HOXA11: variants seen among roughly 807,000 people sequenced by gnomAD.
HOXA11 encodes homeobox protein Hox-A11.
In HOXA11, 8 loss-of-function variants were observed where a neutral mutation model predicts 22.5. The ratio of observed to expected loss-of-function variants is 0.36; its 90% CI spans 0.21 to 0.64. The LOEUF (loss-of-function observed/expected upper bound fraction) is 0.64, where lower values mean the gene tolerates loss of function less well. HOXA11 is among the 30% of genes least tolerant of loss of function. The pLI, the probability that HOXA11 is intolerant of heterozygous loss-of-function variation, is 0.67. For synonymous variants in HOXA11, 211 were observed against 188.4 expected, an observed-to-expected ratio of 1.12 and a Z score of -0.98; for missense variants, 388 against 429.0, an observed-to-expected ratio of 0.90 and a Z score of 0.84.
At chr7:27,184,191 G>A (rs1301140427) in intron 1 of HOXA11, among the ~76,000 whole-genome samples, 1 of 151,630 alleles carries the variant, frequency 6.6e-6, no homozygotes, top group East Asian at 1.9e-4. Flanking sequence ...GCTGAGAAGG[G>A]AAAAAAGGGA....
chr7:27,184,429 T>C lies in HOXA11; in HGVS notation c.709+7A>G. The C allele has an allele frequency of 1.9e-6, 3 of 1,578,286 alleles. No homozygotes were observed. Among genetic ancestry groups the C allele is most frequent in the Non-Finnish European group, 2.6e-6 (3 of 1,162,466 alleles). ...CATAAAGCGCAGGGCGCTGCCTTTA[T>C]ACGTACTGGAGCCGCCGGCCTTGTC... is the stretch of plus-strand genomic sequence containing the variant. On this transcript the variant is annotated splice_region_variant and intron_variant, in intron 1 of 1. Coordinates refer to ENST00000006015, the MANE Select transcript of HOXA11 (RefSeq NM_005523.6).
At position 27,182,109 on chromosome 7, in the gene HOXA11, C is replaced by CGTA; in HGVS notation, c.*686_*687insTAC. 1.3e-5 allele frequency: 3 copies of CGTA among 237,158 alleles called. No homozygotes were observed. The highest frequency in any genetic ancestry group is 3.4e-4 in the South Asian group (2 of 5,848). The allele number at this position is 237,158 out of a possible 1,614,324, so 14.7% of individuals were successfully genotyped here. Reference sequence around the variant, plus strand: ...TGAGTGGCAGGCTGGAACCAAGACCCTCATTTGGTAGAAAGAAAAGCCAGG... The same window carrying CGTA: ...TGAGTGGCAGGCTGGAACCAAGACCCGTATCATTTGGTAGAAAGAAAAGCCAGG... On this transcript the variant is annotated 3_prime_UTR_variant, in exon 2 of 2. Transcript: ENST00000006015.
In HOXA11 at chr7:27,184,501, CGCCGCCGCCGCTCTTTCTCCTCTGCT is replaced by C; in HGVS notation, c.618_643del (p.Ala207ProfsTer15). On this transcript the variant is annotated frameshift_variant, in exon 1 of 2. Coordinates refer to ENST00000006015, the MANE Select transcript of HOXA11 (RefSeq NM_005523.6). LOFTEE classifies it high-confidence loss of function. ...CTCGGGGCTGCTGCTGCTCTCGGGG[CGCCGCCGCCGCTCTTTCTCCTCTGCT>C]GCCGCCGCCGTCTCCCGGCAGCCGC... The C allele has an allele frequency of 6.5e-7, 1 of 1,533,380 alleles. No individual in the cohort carries two copies. Among genetic ancestry groups the C allele is most frequent in the Non-Finnish European group, 8.8e-7 (1 of 1,139,554 alleles). 95.0% of individuals were successfully genotyped at this position (1,533,380 alleles called of 1,614,324 possible). A position where few individuals can be genotyped will look rare whatever the true frequency, so the allele number is the denominator to read the frequency against.
In HOXA11 at chr7:27,182,830, C is replaced by A. The variant is rs759798705; in HGVS notation, c.908G>T (p.Arg303Leu). Residue 303 changes from arginine to leucine, a missense_variant, in exon 2 of 2, where the codon CGT (arginine) becomes CTT (leucine). Physicochemically the swap from Arg to Leu is moderately radical, Grantham distance 102 (BLOSUM62 -2). Coordinates refer to ENST00000006015, the MANE Select transcript of HOXA11 (RefSeq NM_005523.6). ...TGGATTTGCTGAGTAGTACTGTAAACGGTCTCTGTTAATTTTTTTTTCCTT... is the reference window on the plus strand; with the variant it reads ...TGGATTTGCTGAGTAGTACTGTAAAAGGTCTCTGTTAATTTTTTTTTCCTT... Reference protein sequence around the residue: ...RMKEKKINRDRLQYYSANPLL With the variant: ...RMKEKKINRDLLQYYSANPLL 3 of 1,612,806 alleles carry A rather than the reference C, an allele frequency of 1.9e-6. No homozygotes were observed. Among genetic ancestry groups the A allele is most frequent in the Non-Finnish European group, 2.5e-6 (3 of 1,178,862 alleles).
intron 1 of HOXA11, among the ~76,000 whole-genome samples, chr7:27,183,509 G>T (rs1172182494): frequency 6.6e-6 from 1 of 152,188 alleles, no homozygotes; most frequent in Non-Finnish European, 1.5e-5. Context: ...TAACATCTGG[G>T]GCGGCTGCCG....
In HOXA11 at chr7:27,182,011, T is replaced by C. The variant is rs1016198531; in HGVS notation, c.*785A>G. On this transcript the variant is annotated 3_prime_UTR_variant, in exon 2 of 2. Coordinates refer to ENST00000006015, the MANE Select transcript of HOXA11 (RefSeq NM_005523.6). ...GCAGAGATCTCAGGGGCCAGTGGCC[T>C]GGCTGCAGCCTCTTGGCTTTTCCAC... 4.3e-6 allele frequency: 1 copy of C among 231,668 alleles called. No homozygotes were observed. The highest frequency in any genetic ancestry group is 2.2e-5 in the African/African-American group (1 of 45,250). The allele number at this position is 231,668 out of a possible 1,614,324, so 14.4% of individuals were successfully genotyped here.
At chr7:27,183,061 G>A (rs760114301) in intron 1 of HOXA11, 33 bp from the exon 2 acceptor site, 1 of 1,454,564 alleles carries the variant, frequency 6.9e-7, no homozygotes, top group Non-Finnish European at 9.6e-7. Context: ...GGGTGAGCCA[G>A]GTGTGGGGGC....
Position 27,182,155 on chromosome 7 carries a change from C to CCG in HOXA11, c.*640_*641insCG. ...CCAGGTGGGCTGTAGGAGGCGGTGGCTAGGAACTCAGGGCTGGATCAGTGT... is the reference window on the plus strand; with the variant it reads ...CCAGGTGGGCTGTAGGAGGCGGTGGCCGTAGGAACTCAGGGCTGGATCAGTGT... On this transcript the variant is annotated 3_prime_UTR_variant, in exon 2 of 2. Transcript: ENST00000006015. The CCG allele has an allele frequency of 4.2e-6, 1 of 237,400 alleles. No homozygotes were observed. Among genetic ancestry groups the CCG allele is most frequent in the Admixed American group, 5.3e-5 (1 of 18,774 alleles). 14.7% of individuals were successfully genotyped at this position (237,400 alleles called of 1,614,324 possible).
chr7:27,184,637 G>A lies in HOXA11; in HGVS notation c.508C>T (p.Pro170Ser), dbSNP rs767953300. 1 of 1,580,310 alleles carries A rather than the reference G, an allele frequency of 6.3e-7. No individual in the cohort carries two copies. Residue 170 changes from proline to serine, a missense_variant, in exon 1 of 2, where the codon CCG (proline) becomes TCG (serine). Physicochemically the swap from Pro to Ser is moderately conservative, Grantham distance 74. Coordinates refer to ENST00000006015, the MANE Select transcript of HOXA11 (RefSeq NM_005523.6). The stretch of plus-strand genomic sequence containing the variant: ...GCCGCGGAGGTCGCCGTGGCCGCCG[G>A]GGGCCCCTTCTCGGCGCTCTTGTCC... The part of the protein sequence containing the change: ...PGDKSAEKGP[P>S]AATATSAAAA...
Position 27,184,809 on chromosome 7 carries a change from G to T in HOXA11, c.336C>A (p.Ala112=). 2 of 1,613,904 alleles carry T rather than the reference G, an allele frequency of 1.2e-6. No individual in the cohort carries two copies. The highest frequency in any genetic ancestry group is 1.7e-6 in the Non-Finnish European group (2 of 1,179,894). ...CGGGGGTGGGGTGGTGGTAGACGTTGGCCGAGCTCTTGGCCAGCACGTCGC... is the reference window on the plus strand; with the variant it reads ...CGGGGGTGGGGTGGTGGTAGACGTTTGCCGAGCTCTTGGCCAGCACGTCGC... ...VPGDVLAKSS[A]NVYHHPTPAV... The change falls in exon 1 of 2, where the codon GCC becomes GCA. Residue 112 remains alanine, a synonymous_variant. Transcript: ENST00000006015.
chr7:27,181,898 T>A lies in HOXA11; in HGVS notation c.*898A>T, dbSNP rs1783774112. 4.5e-6 allele frequency: 1 copy of A among 223,572 alleles called. No homozygotes were observed. Among genetic ancestry groups the A allele is most frequent in the Non-Finnish European group, 8.9e-6 (1 of 111,976 alleles). 13.8% of individuals were successfully genotyped at this position (223,572 alleles called of 1,614,324 possible). A position where few individuals can be genotyped will look rare whatever the true frequency, so the allele number is the denominator to read the frequency against. ...CTGGGGACCTGCTGGCCAGGCCCAC[T>A]GCTCTGCAGCCAGACACTGAGCAAA... On this transcript the variant is annotated 3_prime_UTR_variant, in exon 2 of 2. Transcript: ENST00000006015.
At position 27,184,917 on chromosome 7, in the gene HOXA11, G is replaced by C. The variant is rs770093706; in HGVS notation, c.228C>G (p.Arg76=). 1.2e-6 allele frequency: 2 copies of C among 1,613,926 alleles called. No homozygotes were observed. Among genetic ancestry groups the C allele is most frequent in the African/African-American group, 1.3e-5 (1 of 74,932 alleles). Residue 76 remains arginine (R), a synonymous_variant, in exon 1 of 2, where the codon CGC becomes CGG. Transcript: ENST00000006015. ...AIEPATKWHP[R]GNLAHCYSAE... The stretch of plus-strand genomic sequence containing the variant: ...CGGAGTAGCAGTGGGCCAGATTGCC[G>C]CGGGGGTGCCATTTAGTGGCGGGCT...
chr7:27,183,739 T>A (rs1228556636), intron 1 of HOXA11, among the ~76,000 whole-genome samples: 1 of 55,904 alleles, frequency 1.8e-5, no homozygotes, highest in Non-Finnish European at 3.1e-5. Flanking sequence ...CTCTACTTGC[T>A]CCCCCTTTAA....
At chr7:27,184,342 G>A in intron 1 of HOXA11, 94 bp downstream of exon 1, 1 of 1,262,814 alleles carries the variant, frequency 7.9e-7, no homozygotes, top group South Asian at 1.3e-5. Flanking sequence ...AACCTTATAT[G>A]CTTATAAAAC....
Position 27,185,198 on chromosome 7 carries a change from T to G in HOXA11, c.-54A>C. The G allele has an allele frequency of 6.2e-7, 1 of 1,612,018 alleles. No individual in the cohort carries two copies. Among genetic ancestry groups the G allele is most frequent in the South Asian group, 1.1e-5 (1 of 91,030 alleles). On this transcript the variant is annotated 5_prime_UTR_variant, in exon 1 of 2. Coordinates refer to ENST00000006015, the MANE Select transcript of HOXA11 (RefSeq NM_005523.6). ...AGCCGAGCTTAACATGATTCTCCAC[T>G]GCAGCTGCCTCTTTGAAGCGGATCC...
Position 27,182,644 on chromosome 7 carries a change from C to T in HOXA11, c.*152G>A. The stretch of plus-strand genomic sequence containing the variant: ...CCACTGAGATCTTAATCAAGAGAGT[C>T]CCAGACCACCTCCTGTGGGGCTATC... On this transcript the variant is annotated 3_prime_UTR_variant, in exon 2 of 2. Coordinates refer to ENST00000006015, the MANE Select transcript of HOXA11 (RefSeq NM_005523.6). 2.8e-6 allele frequency: 2 copies of T among 707,028 alleles called. No homozygotes were observed. The highest frequency in any genetic ancestry group is 5.2e-6 in the Non-Finnish European group (2 of 384,098). The allele number at this position is 707,028 out of a possible 1,614,324, so 43.8% of individuals were successfully genotyped here. A position where few individuals can be genotyped will look rare whatever the true frequency, so the allele number is the denominator to read the frequency against.
rs1783786726 is a variant in HOXA11 at position 27,182,473 on chromosome 7, G to C, written c.*323C>G. ...AGGGTGTGGTGGGGTTAGTCTCCAG[G>C]GGGTCTGGCAGGGGCCCAATCCCCA... On this transcript the variant is annotated 3_prime_UTR_variant, in exon 2 of 2. Transcript: ENST00000006015. The C allele has an allele frequency of 2.1e-6, 1 of 466,084 alleles. No individual in the cohort carries two copies. Among genetic ancestry groups the C allele is most frequent in the South Asian group, 2.1e-5 (1 of 46,552 alleles). The allele number at this position is 466,084 out of a possible 1,614,324, so 28.9% of individuals were successfully genotyped here. A position where few individuals can be genotyped will look rare whatever the true frequency, so the allele number is the denominator to read the frequency against.
Position 27,184,436 on chromosome 7 carries a change from T to G in HOXA11, c.709A>C (p.Ser237Arg). ...GHTEDKAGGSSGQRTRKKRCP... is the reference protein window; with the variant it reads ...GHTEDKAGGSRGQRTRKKRCP... ...CGCAGGGCGCTGCCTTTATACGTAC[T>G]GGAGCCGCCGGCCTTGTCCTCAGTG... Residue 237 changes from serine (S) to arginine (R), a missense_variant and splice_region_variant, in exon 1 of 2, where the codon AGT (serine) becomes CGT (arginine). Transcript: ENST00000006015. The G allele has an allele frequency of 1.3e-6, 2 of 1,577,088 alleles. No individual in the cohort carries two copies. The highest frequency in any genetic ancestry group is 1.7e-6 in the Non-Finnish European group (2 of 1,161,934).
chr7:27,181,597 G>A lies in HOXA11; in HGVS notation c.*1199C>T, dbSNP rs939955161. 9.0e-5 allele frequency: 17 copies of A among 188,974 alleles called. No individual in the cohort carries two copies. The highest frequency in any genetic ancestry group is 1.4e-4 in the Non-Finnish European group (13 of 89,696). 11.7% of individuals were successfully genotyped at this position (188,974 alleles called of 1,614,324 possible). A position where few individuals can be genotyped will look rare whatever the true frequency, so the allele number is the denominator to read the frequency against. On this transcript the variant is annotated 3_prime_UTR_variant, in exon 2 of 2. Transcript: ENST00000006015. Reference sequence around the variant, plus strand: ...CATTCAAATATTCTTAGCAGTGAGCGAGTTTAACCACGGAACACTGTAAAC... The same window carrying A: ...CATTCAAATATTCTTAGCAGTGAGCAAGTTTAACCACGGAACACTGTAAAC...
Sources: allele counts gnomAD v4.1 joint callset (sites outside exome capture counted in the v4.1 genomes callset), GRCh38; gene constraint gnomAD v4.1.1; transcripts MANE v1.5; gene names NCBI Gene and HGNC (gene_info 2026-07-23, HGNC 2026-07-21).